Variants in ERC1 observed in about 807,000 individuals in gnomAD.
The protein encoded by ERC1 is RAB6 interacting protein 2.
ERC1 carries 56 observed loss-of-function variants against 132.0 expected under a neutral mutation model. The ratio of observed to expected loss-of-function variants is 0.42; its 90% CI spans 0.34 to 0.53. The LOEUF (loss-of-function observed/expected upper bound fraction) is 0.53, where lower values mean the gene tolerates loss of function less well. ERC1 is among the 20% of genes least tolerant of loss of function. ERC1 has a pLI of 0.03. For missense variants in ERC1, 1,202 were observed against 1,349.9 expected, an observed-to-expected ratio of 0.89 and a Z score of 1.72; for synonymous variants, 478 against 476.1, an observed-to-expected ratio of 1.00 and a Z score of -0.05.
intron 15 of ERC1, among the ~76,000 whole-genome samples, chr12:1,299,865 A>G (rs917271788): frequency 2.0e-5 from 3 of 152,204 alleles, no homozygotes; most frequent in South Asian, 4.1e-4. Context: ...GCAAACTTAT[A>G]CCAATAAATT....
At position 1,249,844 on chromosome 12, in the gene ERC1, C is replaced by T. The variant is rs77013646; in HGVS notation, c.2487+12940C>T. ...TCCACTTTCTGGTTCATAGGTAGCA[C>T]CTTCTTGTTGTGTCCTCACATGGTG... On this transcript the variant is annotated intron_variant, in intron 13 of 18. Transcript: ENST00000360905. Among the ~76,000 whole-genome samples, 50 of 152,302 alleles carry T rather than the reference C, an allele frequency of 3.3e-4. No individual in the cohort carries two copies. In the East Asian group the frequency reaches 8.5e-3, roughly 26 times the overall value.
chr12:1,001,302 C>T (rs1187061942), intron 1 of ERC1, among the ~76,000 whole-genome samples: 1 of 152,190 alleles, frequency 6.6e-6, no homozygotes, highest in Non-Finnish European at 1.5e-5. Flanking sequence ...AAATGATCCT[C>T]CTGTCTTGGC....
At chr12:1,347,161 G>A (rs1260639454) in intron 15 of ERC1, among the ~76,000 whole-genome samples, 1 of 152,086 alleles carries the variant, frequency 6.6e-6, no homozygotes, top group African/African-American at 2.4e-5. Flanking sequence ...TGAAATACTA[G>A]CGTACATTTT....
At chr12:1,004,637 C>A (rs560973029) in intron 1 of ERC1, among the ~76,000 whole-genome samples, 5 of 151,584 alleles carry the variant, frequency 3.3e-5, no homozygotes, top group African/African-American at 1.2e-4. Context: ...AAACTCCTGA[C>A]CTTGTGATCC....
intron 12 of ERC1, among the ~76,000 whole-genome samples, chr12:1,205,265 CAATAT>C (rs1957249928): frequency 6.6e-6 from 1 of 151,706 alleles, no homozygotes; most frequent in Admixed American, 6.6e-5. Flanking sequence ...TGAGCCATGA[CAATAT>C]AAAGTGTGAG....
chr12:1,320,525 G>C (rs1185041196), intron 15 of ERC1, among the ~76,000 whole-genome samples: 1 of 152,116 alleles, frequency 6.6e-6, no homozygotes, highest in Non-Finnish European at 1.5e-5. Context: ...CTAACAGTTT[G>C]CCATTACATT....
chr12:1,105,117 C>T (rs1373841643), intron 4 of ERC1, among the ~76,000 whole-genome samples: 1 of 152,198 alleles, frequency 6.6e-6, no homozygotes, highest in Non-Finnish European at 1.5e-5. Flanking sequence ...GACAGACTCA[C>T]TTCCTTCATT....
chr12:1,424,050 G>T (rs978374801), intron 17 of ERC1, among the ~76,000 whole-genome samples: 1 of 151,324 alleles, frequency 6.6e-6, no homozygotes, highest in African/African-American at 2.4e-5. Flanking sequence ...GTGTGTGTGT[G>T]TATGTTTCTT....
At chr12:1,402,279 C>G (rs1416942362) in intron 16 of ERC1, among the ~76,000 whole-genome samples, 2 of 152,072 alleles carry the variant, frequency 1.3e-5, no homozygotes, top group Non-Finnish European at 2.9e-5. Flanking sequence ...GCCGTAATCC[C>G]AGCACTTTGG....
intron 15 of ERC1, among the ~76,000 whole-genome samples, chr12:1,330,559 G>A (rs958545674): frequency 7.2e-5 from 11 of 152,010 alleles, no homozygotes; most frequent in African/African-American, 2.7e-4. Context: ...TCTGCCTAGT[G>A]ACATGTAAAA....
At chr12:1,062,329 C>G (rs911016729) in intron 2 of ERC1, among the ~76,000 whole-genome samples, 4 of 151,994 alleles carry the variant, frequency 2.6e-5, no homozygotes, top group African/African-American at 9.6e-5. Context: ...GCCATGTTGC[C>G]CAGGCTGGTG....
At chr12:1,328,059 T>G (rs1294088401) in intron 15 of ERC1, among the ~76,000 whole-genome samples, 1 of 152,190 alleles carries the variant, frequency 6.6e-6, no homozygotes, top group African/African-American at 2.4e-5. Context: ...CAACAGCATC[T>G]TAGCTAATTT....
rs192575606 is a variant in ERC1, at chr12:1,129,216, C to T, written c.1570-12404C>T. Among the ~76,000 whole-genome samples the T allele has an allele frequency of 7.2e-3, 1,092 of 152,250 alleles. 11 individuals carry two copies. Among genetic ancestry groups the T allele is most frequent in the African/African-American group, 0.021 (856 of 41,518 alleles). On this transcript the variant is annotated intron_variant, in intron 7 of 18. Coordinates refer to ENST00000360905, the MANE Select transcript of ERC1 (RefSeq NM_178040.4). ...CAGGTAGACTGGGCATGATGGCTCACGCCTGTAATCCTAGTGGAGGTCAAG... is the reference window on the plus strand; with the variant it reads ...CAGGTAGACTGGGCATGATGGCTCATGCCTGTAATCCTAGTGGAGGTCAAG...
chr12:1,427,819 T>C (rs1001860560), intron 17 of ERC1, among the ~76,000 whole-genome samples: 2 of 152,352 alleles, frequency 1.3e-5, no homozygotes, highest in Admixed American at 1.3e-4. Context: ...GCCTGACATA[T>C]AGGACGTGCT....
chr12:1,236,283 C>G (rs937549785), intron 12 of ERC1, among the ~76,000 whole-genome samples: 1 of 152,032 alleles, frequency 6.6e-6, no homozygotes, highest in African/African-American at 2.4e-5. Context: ...ATTTCTTAAG[C>G]TAGGTTTATG....
At chr12:1,154,084 C>T (rs537398201) in intron 8 of ERC1, among the ~76,000 whole-genome samples, 1 of 151,928 alleles carries the variant, frequency 6.6e-6, no homozygotes, top group African/African-American at 2.4e-5. Context: ...TGAGAACATG[C>T]AGTATTTGGT....
intron 13 of ERC1, among the ~76,000 whole-genome samples, chr12:1,258,602 C>T (rs2076953660): frequency 6.9e-6 from 1 of 145,906 alleles, no homozygotes; most frequent in Non-Finnish European, 1.5e-5. Context: ...ACAACTGTCA[C>T]TTCTTCAACT....
At chr12:1,279,411 A>T (rs1049367949) in intron 14 of ERC1, among the ~76,000 whole-genome samples, 4 of 152,168 alleles carry the variant, frequency 2.6e-5, no homozygotes, top group East Asian at 3.9e-4. Flanking sequence ...CCTCTAGAAA[A>T]ACCTCCAGAA....
At chr12:1,377,215 A>T (rs2088040225) in intron 16 of ERC1, among the ~76,000 whole-genome samples, 1 of 152,210 alleles carries the variant, frequency 6.6e-6, no homozygotes. Context: ...GTCTTTTATT[A>T]ACTTCCGTCC....
Sources: allele counts gnomAD v4.1 joint callset (sites outside exome capture counted in the v4.1 genomes callset), GRCh38; gene constraint gnomAD v4.1.1; transcripts MANE v1.5; gene names NCBI Gene and HGNC (gene_info 2026-07-23, HGNC 2026-07-21).